The following CNTNAP2 variants were observed in gnomAD, a reference collection of about 807,000 sequenced individuals.
The protein encoded by CNTNAP2 is contactin associated protein 2, also known as contactin-associated protein-like 2.
Under a neutral mutation model 155.2 loss-of-function variants are expected in CNTNAP2, and 98 were observed. The ratio of observed to expected loss-of-function variants is 0.63; its 90% CI spans 0.54 to 0.75. The LOEUF (loss-of-function observed/expected upper bound fraction) is 0.75, where lower values mean the gene tolerates loss of function less well. Among genes scored for constraint, CNTNAP2 ranks in the 30% least tolerant of loss-of-function variants. The pLI, the probability that CNTNAP2 is intolerant of heterozygous loss-of-function variation, is 0.00. For synonymous variants in CNTNAP2, 651 were observed against 631.2 expected, an observed-to-expected ratio of 1.03 and a Z score of -0.47; for missense variants, 1,727 against 1,688.1, an observed-to-expected ratio of 1.02 and a Z score of -0.40.
At chr7:147,515,466 G>T (rs893826977) in intron 11 of CNTNAP2, among the ~76,000 whole-genome samples, 5 of 151,736 alleles carry the variant, frequency 3.3e-5, no homozygotes, top group African/African-American at 1.2e-4. Flanking sequence ...GGGACTACAG[G>T]CTTGTGATAC....
intron 11 of CNTNAP2, among the ~76,000 whole-genome samples, chr7:147,488,099 G>A (rs186463211): frequency 2.6e-5 from 4 of 152,234 alleles, no homozygotes; most frequent in Admixed American, 2.6e-4. Flanking sequence ...AAGGCCATTT[G>A]CCTCCTAATA....
chr7:146,739,509 A>C (rs905474749), intron 1 of CNTNAP2, among the ~76,000 whole-genome samples: 1 of 151,996 alleles, frequency 6.6e-6, no homozygotes, highest in African/African-American at 2.4e-5. Context: ...TTATATTATT[A>C]TAGTCATAAA....
chr7:146,533,107 CAAAAAAAAAAAAAAA>C (rs553035616), intron 1 of CNTNAP2, among the ~76,000 whole-genome samples: 1 of 47,836 alleles, frequency 2.1e-5, no homozygotes, highest in African/African-American at 6.8e-5. Context: ...GACCCTGTCT[CAAAAAAAAAAAAAAA>C]AAAAAAAAAA....
At chr7:147,368,096 T>TCTCACACACA (rs1160776624) in intron 9 of CNTNAP2, among the ~76,000 whole-genome samples, 1 of 117,096 alleles carries the variant, frequency 8.5e-6, no homozygotes, top group Non-Finnish European at 1.7e-5. Context: ...TCTCTCTCTG[T>TCTCACACACA]CACACACACA....
At chr7:147,544,728 G>T in intron 11 of CNTNAP2, among the ~76,000 whole-genome samples, 1 of 151,974 alleles carries the variant, frequency 6.6e-6, no homozygotes, top group Non-Finnish European at 1.5e-5. Flanking sequence ...GGAGGGACCT[G>T]GTGGGAGACA....
intron 22 of CNTNAP2, among the ~76,000 whole-genome samples, chr7:148,387,302 C>T (rs1163551046): frequency 1.3e-5 from 2 of 152,158 alleles, no homozygotes; most frequent in East Asian, 1.9e-4. Flanking sequence ...TTGGACTTTA[C>T]GGTTTTGCAC....
intron 4 of CNTNAP2, among the ~76,000 whole-genome samples, chr7:147,052,819 T>A (rs1430766914): frequency 2.6e-5 from 4 of 152,016 alleles, no homozygotes; most frequent in Admixed American, 2.6e-4. Flanking sequence ...TGATAATTAA[T>A]GAGGTAATTA....
At chr7:147,948,331 A>C (rs1800855747) in intron 14 of CNTNAP2, among the ~76,000 whole-genome samples, 1 of 151,992 alleles carries the variant, frequency 6.6e-6, no homozygotes, top group Non-Finnish European at 1.5e-5. Flanking sequence ...TTTGTAACAC[A>C]AAGGATAAAT....
At chr7:147,775,338 AATATATATATTTATAT>A (rs1797560308) in intron 13 of CNTNAP2, among the ~76,000 whole-genome samples, 2 of 32,940 alleles carry the variant, frequency 6.1e-5, no homozygotes, top group Non-Finnish European at 1.0e-4. Flanking sequence ...TATATTTATA[AATATATATATTTATAT>A]ATATTTATAA....
Position 146,749,180 on chromosome 7 carries a change from A to G in CNTNAP2, c.98-25091A>G, listed in dbSNP as rs541543349. On this transcript the variant is annotated intron_variant, in intron 1 of 23. Coordinates refer to ENST00000361727, the MANE Select transcript of CNTNAP2 (RefSeq NM_014141.6). ...TACATGTATGCGTATGTGTATCTTT[A>G]CTAAATATGTATCTATACATATATG... 5.3e-5 allele frequency among the ~76,000 whole-genome samples: 8 copies of G among 152,254 alleles called. No individual in the cohort carries two copies. In the South Asian group the frequency reaches 1.7e-3, roughly 32 times the overall value.
At chr7:147,651,168 G>A (rs931761946) in intron 13 of CNTNAP2, among the ~76,000 whole-genome samples, 20 of 152,106 alleles carry the variant, frequency 1.3e-4, no homozygotes, top group African/African-American at 4.6e-4. Context: ...ATGCAACAGC[G>A]GGGCCTGGCA....
chr7:147,071,478 C>A (rs2129265565), intron 4 of CNTNAP2, among the ~76,000 whole-genome samples: 1 of 151,994 alleles, frequency 6.6e-6, no homozygotes, highest in East Asian at 1.9e-4. Flanking sequence ...AACTGCAGTC[C>A]CCAAATATGA....
chr7:146,585,504 G>A (rs1285441340), intron 1 of CNTNAP2, among the ~76,000 whole-genome samples: 1 of 152,056 alleles, frequency 6.6e-6, no homozygotes, highest in African/African-American at 2.4e-5. Flanking sequence ...TGAAAAACTT[G>A]TGCAAATGCT....
intron 1 of CNTNAP2, among the ~76,000 whole-genome samples, chr7:146,712,520 C>T (rs1317456147): frequency 6.7e-6 from 1 of 148,190 alleles, no homozygotes; most frequent in Non-Finnish European, 1.5e-5. Flanking sequence ...GCAGTGAAAA[C>T]AGTTGAAAGG....
intron 1 of CNTNAP2, among the ~76,000 whole-genome samples, chr7:146,517,620 G>A (rs901848200): frequency 2.6e-5 from 4 of 151,866 alleles, no homozygotes; most frequent in South Asian, 2.1e-4. Context: ...GGAAGCCATC[G>A]GGAGATATAG....
At chr7:146,578,647 A>G (rs539703602) in intron 1 of CNTNAP2, among the ~76,000 whole-genome samples, 4 of 152,238 alleles carry the variant, frequency 2.6e-5, no homozygotes, top group South Asian at 2.1e-4. Flanking sequence ...TTTTATAAAT[A>G]TCTCCCAAAC....
chr7:147,080,622 T>TATATATAACATACATTC (rs535068824), intron 4 of CNTNAP2, among the ~76,000 whole-genome samples: 3,690 of 148,938 alleles, frequency 0.025, 128 homozygotes, highest in African/African-American at 0.078. Flanking sequence ...TAGAATTTTA[T>TATATATAACATACATTC]ATATATAACA....
chr7:147,148,306 C>T (rs1037104426), intron 8 of CNTNAP2, among the ~76,000 whole-genome samples: 7 of 147,080 alleles, frequency 4.8e-5, no homozygotes, highest in African/African-American at 7.5e-5. Context: ...AGGAGAATGG[C>T]GTGAACCCGG....
chr7:146,163,678 G>A (rs897915613), intron 1 of CNTNAP2, among the ~76,000 whole-genome samples: 16 of 149,794 alleles, frequency 1.1e-4, no homozygotes, highest in Middle Eastern at 7.0e-3. Flanking sequence ...AACTGGGGAC[G>A]GGGAGGTAGC....
Sources: gnomAD v4.1 joint callset for allele counts (sites outside exome capture counted in the v4.1 genomes callset) on GRCh38, gnomAD v4.1.1 for gene constraint, MANE v1.5 for transcripts, NCBI Gene and HGNC (gene_info 2026-07-23, HGNC 2026-07-21) for gene names.